CFAP221: variants seen among roughly 807,000 people sequenced by gnomAD.
The protein encoded by CFAP221 is cilia and flagella associated protein 221.
In CFAP221, 97 loss-of-function variants were observed where a neutral mutation model predicts 113.1. The ratio of observed to expected loss-of-function variants is 0.86; its 90% confidence interval spans 0.73 to 1.02. The LOEUF is 1.02. Ranked by LOEUF, CFAP221 falls within the 50% of genes least tolerant of loss-of-function variation. The pLI is 0.00. For missense variants in CFAP221, 1,025 were observed against 1,013.4 expected, an observed-to-expected ratio of 1.01 and a Z score of -0.16; for synonymous variants, 331 against 354.4, an observed-to-expected ratio of 0.93 and a Z score of 0.74.
intron 7 of CFAP221, among the ~76,000 whole-genome samples, chr2:119,596,487 C>G (rs1465891730): frequency 2.0e-5 from 3 of 152,224 alleles, no homozygotes; most frequent in Non-Finnish European, 2.9e-5. Context: ...ATCCTCTACT[C>G]AGACTCCTTC....
In CFAP221 at chr2:119,604,978, T is replaced by C. The variant is rs778221051; in HGVS notation, c.1015T>C (p.Leu339=). 2 of 1,613,874 alleles carry C rather than the reference T, an allele frequency of 1.2e-6. No individual in the cohort carries two copies. The highest frequency in any genetic ancestry group is 1.1e-5 in the South Asian group (1 of 91,062). The change falls in exon 10 of 24, where the codon TTA becomes CTA. Residue 339 remains leucine, a synonymous_variant. Coordinates refer to ENST00000413369, the MANE Select transcript of CFAP221 (RefSeq NM_001271049.2). ...QEPGKLKIKE[L]REVLDQGTEI... is the part of the protein sequence containing the mutation. ...ACCAGGAAAATTGAAGATTAAAGAATTAAGAGAAGGTAACCAGTTGATTGG... is the reference window on the plus strand; with the variant it reads ...ACCAGGAAAATTGAAGATTAAAGAACTAAGAGAAGGTAACCAGTTGATTGG...
chr2:119,629,539 C>T (rs1374573844), intron 16 of CFAP221, among the ~76,000 whole-genome samples: 1 of 152,060 alleles, frequency 6.6e-6, no homozygotes, highest in Non-Finnish European at 1.5e-5. Context: ...AGAGGGCTCC[C>T]CTGCCCCCAA....
At chr2:119,548,661 C>T (rs567961271) in intron 2 of CFAP221, among the ~76,000 whole-genome samples, 16 of 152,188 alleles carry the variant, frequency 1.1e-4, no homozygotes, top group Non-Finnish European at 2.1e-4. Context: ...AAGTTAAATA[C>T]ATAGTAATAA....
intron 7 of CFAP221, among the ~76,000 whole-genome samples, chr2:119,592,898 C>A (rs1256598682): frequency 6.6e-6 from 1 of 152,160 alleles, no homozygotes; most frequent in Non-Finnish European, 1.5e-5. Flanking sequence ...CAGAAATTTT[C>A]TTTTTAGTCT....
At chr2:119,652,634 C>T (rs1688195523) in intron 23 of CFAP221, among the ~76,000 whole-genome samples, 1 of 152,156 alleles carries the variant, frequency 6.6e-6, no homozygotes, top group Admixed American at 6.5e-5. Flanking sequence ...AGCATCATCC[C>T]TTGAAAAATT....
chr2:119,575,585 T>C (rs1392083127), intron 6 of CFAP221, among the ~76,000 whole-genome samples: 1 of 152,126 alleles, frequency 6.6e-6, no homozygotes, highest in Admixed American at 6.5e-5. Context: ...CCCGGGGCTG[T>C]GGGGAAGCAG....
At chr2:119,597,486 G>A (rs941867312) in intron 7 of CFAP221, among the ~76,000 whole-genome samples, 1 of 152,248 alleles carries the variant, frequency 6.6e-6, no homozygotes. Context: ...TTGAGAGATC[G>A]AGTTGTTTAC....
intron 8 of CFAP221, chr2:119,602,531 G>T: frequency 1.3e-6 from 1 of 786,860 alleles, no homozygotes. Flanking sequence ...TATTACAAGT[G>T]GAGTAGCAAC....
At chr2:119,584,300 A>G (rs1683048499) in intron 6 of CFAP221, among the ~76,000 whole-genome samples, 1 of 152,164 alleles carries the variant, frequency 6.6e-6, no homozygotes, top group African/African-American at 2.4e-5. Context: ...AGAATTTACA[A>G]ATGAGGCCAG....
intron 6 of CFAP221, among the ~76,000 whole-genome samples, chr2:119,571,283 G>A (rs981714769): frequency 2.0e-5 from 3 of 151,392 alleles, no homozygotes; most frequent in East Asian, 1.9e-4. Flanking sequence ...GGGACTACAG[G>A]TGTGCGACAC....
At chr2:119,564,597 A>C (rs935000691) in intron 6 of CFAP221, among the ~76,000 whole-genome samples, 2 of 152,060 alleles carry the variant, frequency 1.3e-5, no homozygotes, top group African/African-American at 4.8e-5. Flanking sequence ...TAGCTTTGCC[A>C]GTTTTTGATC....
At chr2:119,628,067 G>C (rs998569398) in intron 16 of CFAP221, among the ~76,000 whole-genome samples, 1 of 152,172 alleles carries the variant, frequency 6.6e-6, no homozygotes, top group Non-Finnish European at 1.5e-5. Context: ...CTGGAACTGC[G>C]CCTGAGTGCA....
At chr2:119,555,399 G>A (rs756093077) in intron 3 of CFAP221, among the ~76,000 whole-genome samples, 5 of 152,134 alleles carry the variant, frequency 3.3e-5, no homozygotes, top group African/African-American at 9.7e-5. Context: ...TAAGGGTAAC[G>A]CTGGATTACT....
chr2:119,628,294 G>GTGTGTGTGTGTGTGT (rs371675389), intron 16 of CFAP221, among the ~76,000 whole-genome samples: 1,804 of 137,556 alleles, frequency 0.013, 59 homozygotes, highest in East Asian at 0.024. Flanking sequence ...CTCTCTGGGG[G>GTGTGTGTGTGTGTGT]GTGTGTGTGT....
chr2:119,590,938 C>T lies in CFAP221; in HGVS notation c.631+3716C>T, dbSNP rs148200972. Among the ~76,000 whole-genome samples the T allele has an allele frequency of 5.7e-4, 87 of 152,288 alleles. 1 individual carries two copies. The highest frequency in any genetic ancestry group is 6.8e-3 in the Middle Eastern group (2 of 294). On this transcript the variant is annotated intron_variant, in intron 7 of 23. Transcript: ENST00000413369. ...GTGAGACCAGATCTCCAGCACACAGCGCAGGCCCCCATAAAATGCTTCTTG... is the reference window on the plus strand; with the variant it reads ...GTGAGACCAGATCTCCAGCACACAGTGCAGGCCCCCATAAAATGCTTCTTG...
intron 8 of CFAP221, chr2:119,602,809 CA>C (rs1270692856): frequency 1.0e-6 from 1 of 980,688 alleles, no homozygotes; most frequent in Non-Finnish European, 1.2e-6. Flanking sequence ...CTACAATACT[CA>C]AATGACTTTC....
chr2:119,591,816 C>T (rs572159550), intron 7 of CFAP221, among the ~76,000 whole-genome samples: 4 of 152,180 alleles, frequency 2.6e-5, no homozygotes, highest in East Asian at 1.9e-4. Flanking sequence ...ATGTGGCTTT[C>T]GTGATCGACA....
intron 6 of CFAP221, among the ~76,000 whole-genome samples, chr2:119,564,044 C>T (rs1242898931): frequency 6.6e-6 from 1 of 152,154 alleles, no homozygotes; most frequent in East Asian, 1.9e-4. Flanking sequence ...CTGTGGGCTT[C>T]AGCAGGCTTA....
rs149559433 is a variant in CFAP221, at chr2:119,633,585, G to A, written c.1974+2684G>A. Among the ~76,000 whole-genome samples, 409 of 151,140 alleles carry A rather than the reference G, an allele frequency of 2.7e-3. 3 individuals are homozygous for A. The highest frequency in any genetic ancestry group is 9.2e-3 in the African/African-American group (379 of 41,330). On this transcript the variant is annotated intron_variant, in intron 19 of 23. Transcript: ENST00000413369. ...GTCAGCAAACTATATATTTGATAAGGAGTTAATACCAAAATATATAAGAAA... is the reference window on the plus strand; with the variant it reads ...GTCAGCAAACTATATATTTGATAAGAAGTTAATACCAAAATATATAAGAAA...
Sources: gnomAD v4.1 joint callset for allele counts (sites outside exome capture counted in the v4.1 genomes callset) on GRCh38, gnomAD v4.1.1 for gene constraint, MANE v1.5 for transcripts, NCBI Gene and HGNC (gene_info 2026-07-23, HGNC 2026-07-21) for gene names.